C16orf89: variants seen among roughly 807,000 people sequenced by gnomAD.
C16orf89 encodes the protein chromosome 16 open reading frame 89, also known as UPF0764 protein C16orf89.
Under a neutral mutation model 41.5 loss-of-function variants are expected in C16orf89, and 57 were observed. The ratio of observed to expected loss-of-function variants is 1.38; its 90% CI spans 1.11 to 1.71. C16orf89 has a LOEUF of 1.71. Ranked by LOEUF, C16orf89 falls within the 40% of genes most tolerant of loss-of-function variation. The probability of loss-of-function intolerance (pLI) is 0.00; values close to 1 mark genes in which losing one functional copy is unlikely to be tolerated. For missense variants in C16orf89, 575 were observed against 445.9 expected, an observed-to-expected ratio of 1.29 and a Z score of -2.61; for synonymous variants, 223 against 190.6, an observed-to-expected ratio of 1.17 and a Z score of -1.40.
At position 5,044,279 on chromosome 16, in the gene C16orf89, C is replaced by T. The variant is rs187187995; in HGVS notation, c.*69G>A. The T allele has an allele frequency of 1.3e-4, 188 of 1,499,362 alleles. 1 individual carries two copies. The African/African-American group carries it at 2.4e-3, about 19-fold the overall frequency. The allele number at this position is 1,499,362 out of a possible 1,614,324, so 92.9% of individuals were successfully genotyped here. ...TTCCCAGGATGTGATCCGTGCCCTC[C>T]AGGATCTAAGGGATGAGGACTAAAG... is the stretch of plus-strand genomic sequence containing the variant. On this transcript the variant is annotated 3_prime_UTR_variant, in exon 8 of 8. Transcript: ENST00000472572.
At position 5,044,156 on chromosome 16, in the gene C16orf89, C is replaced by G; in HGVS notation, c.*192G>C. On this transcript the variant is annotated 3_prime_UTR_variant, in exon 8 of 8. Transcript: ENST00000472572. Reference sequence around the variant, plus strand: ...GTTGAACTTTATTCATCCGTTCACACCTGGGTCCCTCCCGGCCCCCACCTA... The same window carrying G: ...GTTGAACTTTATTCATCCGTTCACAGCTGGGTCCCTCCCGGCCCCCACCTA... 7.4e-7 allele frequency: 1 copy of G among 1,348,428 alleles called. No homozygotes were observed. Among genetic ancestry groups the G allele is most frequent in the Non-Finnish European group, 9.5e-7 (1 of 1,054,310 alleles). 83.5% of individuals were successfully genotyped at this position (1,348,428 alleles called of 1,614,324 possible).
intron 7 of C16orf89, among the ~76,000 whole-genome samples, chr16:5,045,875 A>G (rs1475669649): frequency 6.6e-6 from 1 of 152,128 alleles, no homozygotes; most frequent in Non-Finnish European, 1.5e-5. Flanking sequence ...CCTCCTGGGC[A>G]GTTTTCTAGG....
chr16:5,052,073 T>C (rs1337587659), intron 6 of C16orf89, among the ~76,000 whole-genome samples: 2 of 119,362 alleles, frequency 1.7e-5, no homozygotes, highest in Non-Finnish European at 3.2e-5. Flanking sequence ...CGGCACACCA[T>C]CCTGGGTGAC....
Position 5,056,037 on chromosome 16 carries a change from A to T in C16orf89, c.763+16T>A, listed in dbSNP as rs768631583. 2 of 1,584,210 alleles carry T rather than the reference A, an allele frequency of 1.3e-6. No individual in the cohort carries two copies. The highest frequency in any genetic ancestry group is 1.7e-6 in the Non-Finnish European group (2 of 1,158,854). ...CACCCTGTTCCTTTGCCCCGGGGGC[A>T]GAATGCTGGCCATACTGTTTTCCAT... On this transcript the variant is annotated intron_variant, in intron 5 of 7. Transcript: ENST00000472572.
chr16:5,055,402 C>T (rs1956476991), intron 5 of C16orf89, 52 bp from the exon 6 acceptor site: 1 of 1,461,858 alleles, frequency 6.8e-7, no homozygotes, highest in Non-Finnish European at 9.4e-7. Context: ...GGCCCACCTC[C>T]TCCCACTCCC....
At chr16:5,054,857 G>T (rs949263464) in intron 6 of C16orf89, among the ~76,000 whole-genome samples, 14 of 152,126 alleles carry the variant, frequency 9.2e-5, no homozygotes, top group African/African-American at 3.1e-4. Flanking sequence ...TATGTGAGAC[G>T]TCCCTTTCGC....
chr16:5,054,313 C>G (rs1024345469), intron 6 of C16orf89, among the ~76,000 whole-genome samples: 3 of 152,054 alleles, frequency 2.0e-5, no homozygotes, highest in Non-Finnish European at 4.4e-5. Context: ...AGGGGTGAAG[C>G]GACTTATTGC....
rs571547429 is a variant in C16orf89 at position 5,062,606 on chromosome 16, A to G, written c.209-32T>C. The G allele has an allele frequency of 5.8e-6, 9 of 1,540,292 alleles. No homozygotes were observed. In the Admixed American group the frequency reaches 1.3e-4, roughly 22 times the overall value. ...GGGAACAGAGTTAATTCATTCAACTATTTGGAATCGGGACCTTTTTTTGCC... is the reference window on the plus strand; with the variant it reads ...GGGAACAGAGTTAATTCATTCAACTGTTTGGAATCGGGACCTTTTTTTGCC... On this transcript the variant is annotated intron_variant, in intron 1 of 7. Transcript: ENST00000472572.
Position 5,049,974 on chromosome 16 carries a change from C to G in C16orf89, c.869-2010G>C, listed in dbSNP as rs150212985. Among the ~76,000 whole-genome samples the G allele has an allele frequency of 3.2e-3, 480 of 152,164 alleles. 2 individuals are homozygous for G. Among genetic ancestry groups the G allele is most frequent in the Admixed American group, 0.011 (174 of 15,284 alleles). Reference sequence around the variant, plus strand: ...TAGACTAAGAAAAAAAGAGAAAAGACTCAAGTAAATGAAATCAGAAAGAAA... The same window carrying G: ...TAGACTAAGAAAAAAAGAGAAAAGAGTCAAGTAAATGAAATCAGAAAGAAA... On this transcript the variant is annotated intron_variant, in intron 6 of 7. Transcript: ENST00000472572.
chr16:5,055,575 C>T (rs1326467025), intron 5 of C16orf89: 1 of 1,230,388 alleles, frequency 8.1e-7, no homozygotes, highest in African/African-American at 1.5e-5. Flanking sequence ...GTCAGGGCTG[C>T]TCCAAAGTCA....
chr16:5,064,609 C>G (rs1445276741), intron 1 of C16orf89, among the ~76,000 whole-genome samples: 4 of 152,244 alleles, frequency 2.6e-5, no homozygotes, highest in African/African-American at 9.6e-5. Flanking sequence ...AAGCTCTGTT[C>G]TAGGCACTGG....
At chr16:5,063,796 C>T (rs1256199022) in intron 1 of C16orf89, among the ~76,000 whole-genome samples, 5 of 152,112 alleles carry the variant, frequency 3.3e-5, no homozygotes, top group African/African-American at 2.4e-5. Context: ...TACATTGTGG[C>T]GAGTTGTATA....
chr16:5,056,248 C>A, intron 4 of C16orf89, 60 bp from the exon 5 acceptor site: 1 of 1,489,166 alleles, frequency 6.7e-7, no homozygotes, highest in East Asian at 2.3e-5. Flanking sequence ...GACACACGCC[C>A]TGCTATGGGA....
At chr16:5,062,667 G>T in intron 1 of C16orf89, 93 bp from the exon 2 acceptor site, 1 of 1,354,066 alleles carries the variant, frequency 7.4e-7, no homozygotes, top group Non-Finnish European at 1.0e-6. Context: ...AAAGTCTAAT[G>T]CTTCCTGGGA....
At position 5,055,391 on chromosome 16, in the gene C16orf89, A is replaced by T. The variant is rs781205056; in HGVS notation, c.764-41T>A. On this transcript the variant is annotated intron_variant, in intron 5 of 7. Coordinates refer to ENST00000472572, the MANE Select transcript of C16orf89 (RefSeq NM_001098514.3). ...GGGGCCCTCTGCAGGCCTGCCCCCC[A>T]GGCCCACCTCCTCCCACTCCCCAGG... is the stretch of plus-strand genomic sequence containing the variant. 3 of 1,504,168 alleles carry T rather than the reference A, an allele frequency of 2.0e-6. No homozygotes were observed. The Admixed American group carries it at 5.6e-5, about 28-fold the overall frequency. 93.2% of individuals were successfully genotyped at this position (1,504,168 alleles called of 1,614,324 possible).
chr16:5,055,795 T>A, intron 5 of C16orf89: 1 of 1,458,674 alleles, frequency 6.9e-7, no homozygotes, highest in Non-Finnish European at 9.3e-7. Context: ...GAGTTTTCGA[T>A]AAACAATGAA....
rs534288978 is a variant in C16orf89, at chr16:5,057,508, T to C, written c.627+985A>G. Among the ~76,000 whole-genome samples the C allele has an allele frequency of 4.1e-3, 616 of 150,124 alleles. 8 individuals carry two copies. The highest frequency in any genetic ancestry group is 4.8e-3 in the Non-Finnish European group (325 of 67,716). On this transcript the variant is annotated intron_variant, in intron 4 of 7. Transcript: ENST00000472572. ...ATATATATATATGCCACCATATATATATTTTTCTTTTTCTATTTTTTTATA... is the reference window on the plus strand; with the variant it reads ...ATATATATATATGCCACCATATATACATTTTTCTTTTTCTATTTTTTTATA...
chr16:5,051,534 A>T (rs1180456495), intron 6 of C16orf89, among the ~76,000 whole-genome samples: 1 of 152,228 alleles, frequency 6.6e-6, no homozygotes, highest in African/African-American at 2.4e-5. Context: ...AAAGACACTG[A>T]TGAAAGAAAT....
Position 5,056,101 on chromosome 16 carries a change from C to G in C16orf89, c.715G>C (p.Glu239Gln). Residue 239 changes from glutamate to glutamine, a missense_variant, in exon 5 of 8, where the codon GAG (glutamate) becomes CAG (glutamine). Coordinates refer to ENST00000472572, the MANE Select transcript of C16orf89 (RefSeq NM_001098514.3). The stretch of plus-strand genomic sequence containing the variant: ...GTAGGGTAGGCGTATCCGATGGCCT[C>G]AGCTCTGCGGTTCAAGTCCATCATG... ...ANMMDLNRRA[E>Q]AIGYAYPTRD... The G allele has an allele frequency of 9.4e-6, 15 of 1,600,462 alleles. No homozygotes were observed. Among genetic ancestry groups the G allele is most frequent in the Non-Finnish European group, 1.3e-5 (15 of 1,168,524 alleles).
Sources: gnomAD v4.1 joint callset for allele counts (sites outside exome capture counted in the v4.1 genomes callset) on GRCh38, gnomAD v4.1.1 for gene constraint, MANE v1.5 for transcripts, NCBI Gene and HGNC (gene_info 2026-07-23, HGNC 2026-07-21) for gene names.